CPQ: variants seen among roughly 807,000 people sequenced by gnomAD.
CPQ encodes the protein carboxypeptidase Q.
CPQ carries 37 observed loss-of-function variants against 45.7 expected under a neutral mutation model. The observed-to-expected ratio is 0.81, with a 90% CI of 0.62 to 1.07. CPQ has a LOEUF of 1.07. Among genes scored for constraint, CPQ ranks in the 50% least tolerant of loss-of-function variants. The pLI, the probability that CPQ is intolerant of heterozygous loss-of-function variation, is 0.00. For missense variants in CPQ, 537 were observed against 572.9 expected, an observed-to-expected ratio of 0.94 and a Z score of 0.64; for synonymous variants, 186 against 205.8, an observed-to-expected ratio of 0.90 and a Z score of 0.82.
intron 2 of CPQ, among the ~76,000 whole-genome samples, chr8:96,813,999 C>T (rs550551261): frequency 2.1e-5 from 2 of 94,018 alleles, no homozygotes; most frequent in African/African-American, 6.6e-5. Flanking sequence ...CATATATATA[C>T]ACACATATAT....
At chr8:97,044,864 C>T (rs1810207504) in intron 6 of CPQ, among the ~76,000 whole-genome samples, 1 of 152,120 alleles carries the variant, frequency 6.6e-6, no homozygotes. Flanking sequence ...CAGAGGAGTA[C>T]CCGGCTGTGT....
At chr8:96,850,587 T>A (rs907714948) in intron 3 of CPQ, among the ~76,000 whole-genome samples, 16 of 116,870 alleles carry the variant, frequency 1.4e-4, no homozygotes, top group South Asian at 5.2e-4. Context: ...TATTTTATTT[T>A]ATTTATTTAT....
rs762017641 is a variant in CPQ at position 97,066,166 on chromosome 8, G to A, written c.1211G>A (p.Gly404Glu). Residue 404 changes from glycine to glutamate, a missense_variant, in exon 7 of 8, where the codon GGA (glycine) becomes GAA (glutamate). Transcript: ENST00000220763. ...AATATCACTCAGGTCCTGAGCCATG[G>A]AGAAGGGACAGACATCAACTTTTGG... is the stretch of plus-strand genomic sequence containing the variant. ...PLNITQVLSH[G>E]EGTDINFWIQ... The A allele has an allele frequency of 1.2e-6, 2 of 1,611,574 alleles. No individual in the cohort carries two copies. The highest frequency in any genetic ancestry group is 1.7e-6 in the Non-Finnish European group (2 of 1,179,320).
intron 6 of CPQ, among the ~76,000 whole-genome samples, chr8:97,044,436 C>T (rs1034408752): frequency 6.6e-6 from 1 of 152,154 alleles, no homozygotes; most frequent in Non-Finnish European, 1.5e-5. Flanking sequence ...TGAATTTCCT[C>T]CTGTAGCTCG....
At chr8:96,982,625 G>A (rs191299873) in intron 5 of CPQ, among the ~76,000 whole-genome samples, 1 of 152,324 alleles carries the variant, frequency 6.6e-6, no homozygotes, top group East Asian at 1.9e-4. Flanking sequence ...TTACAGGTGT[G>A]AGCTACTGTA....
intron 3 of CPQ, among the ~76,000 whole-genome samples, chr8:96,852,190 C>T (rs1811779507): frequency 6.6e-6 from 1 of 152,216 alleles, no homozygotes; most frequent in Non-Finnish European, 1.5e-5. Flanking sequence ...CCTCCACTTG[C>T]CCTTGCCTGT....
chr8:96,918,936 G>T (rs771166346), intron 4 of CPQ, among the ~76,000 whole-genome samples: 4 of 152,028 alleles, frequency 2.6e-5, no homozygotes, highest in Non-Finnish European at 5.9e-5. Context: ...TGCTTTAGTG[G>T]TATGTGGTAC....
intron 4 of CPQ, among the ~76,000 whole-genome samples, chr8:96,916,031 G>T (rs1473753110): frequency 6.6e-6 from 1 of 152,158 alleles, no homozygotes; most frequent in Non-Finnish European, 1.5e-5. Flanking sequence ...AGAGAGATCT[G>T]ATTCCTCTTA....
At chr8:96,880,348 T>G (rs773389387) in intron 4 of CPQ, among the ~76,000 whole-genome samples, 5 of 151,742 alleles carry the variant, frequency 3.3e-5, no homozygotes, top group African/African-American at 1.2e-4. Flanking sequence ...GAATTAGCGT[T>G]TGACCCAGCC....
chr8:97,066,880 A>G (rs1367457560), intron 7 of CPQ, among the ~76,000 whole-genome samples: 1 of 142,622 alleles, frequency 7.0e-6, no homozygotes, highest in African/African-American at 2.7e-5. Flanking sequence ...TGAGGAGGTT[A>G]CTTACAGAAA....
chr8:96,977,069 G>A (rs567178244), intron 5 of CPQ, among the ~76,000 whole-genome samples: 5 of 152,228 alleles, frequency 3.3e-5, no homozygotes, highest in South Asian at 2.1e-4. Flanking sequence ...GATAACCACA[G>A]AGTGGGAGAA....
chr8:96,989,264 C>T (rs938761510), intron 5 of CPQ, among the ~76,000 whole-genome samples: 1 of 152,024 alleles, frequency 6.6e-6, no homozygotes, highest in African/African-American at 2.4e-5. Context: ...CAGAAATATG[C>T]GTGACCAGTT....
intron 5 of CPQ, among the ~76,000 whole-genome samples, chr8:96,987,486 A>C (rs1350572183): frequency 6.6e-6 from 1 of 152,180 alleles, no homozygotes; most frequent in Non-Finnish European, 1.5e-5. Context: ...AGCCAAGTAG[A>C]AGCAGAGCCT....
At chr8:96,817,597 T>C (rs2130834048) in intron 2 of CPQ, among the ~76,000 whole-genome samples, 1 of 151,900 alleles carries the variant, frequency 6.6e-6, no homozygotes, top group East Asian at 1.9e-4. Context: ...CACTCACGTG[T>C]TCGCTGGACT....
rs1192149392 is a variant in CPQ, at chr8:97,143,360, G to C, written c.*177G>C. On this transcript the variant is annotated 3_prime_UTR_variant, in exon 8 of 8. Coordinates refer to ENST00000220763, the MANE Select transcript of CPQ (RefSeq NM_016134.4). ...TCCAAATTCTCTGATTCTAGAAAAA[G>C]GAATCATTCTCCCCTCCCTCCCACC... 3.3e-6 allele frequency: 2 copies of C among 608,736 alleles called. No individual in the cohort carries two copies. The highest frequency in any genetic ancestry group is 5.5e-6 in the Non-Finnish European group (2 of 361,526). 37.7% of individuals were successfully genotyped at this position (608,736 alleles called of 1,614,324 possible).
intron 4 of CPQ, among the ~76,000 whole-genome samples, chr8:96,898,055 G>A (rs199595189): frequency 2.3e-5 from 1 of 43,324 alleles, no homozygotes; most frequent in Non-Finnish European, 6.0e-5. Context: ...TGAGAACGTT[G>A]TTTTTGTCTG....
intron 3 of CPQ, among the ~76,000 whole-genome samples, chr8:96,863,713 G>A (rs533201082): frequency 2.0e-5 from 3 of 152,134 alleles, no homozygotes; most frequent in Non-Finnish European, 4.4e-5. Flanking sequence ...ATTGTTTTCC[G>A]CTTTTAATGC....
chr8:97,020,306 A>G (rs1809656757), intron 5 of CPQ, among the ~76,000 whole-genome samples: 2 of 152,130 alleles, frequency 1.3e-5, no homozygotes, highest in South Asian at 4.1e-4. Flanking sequence ...TTCTAAGGTC[A>G]CATCTCAAGG....
At chr8:97,056,934 C>A (rs1199497754) in intron 6 of CPQ, among the ~76,000 whole-genome samples, 2 of 152,158 alleles carry the variant, frequency 1.3e-5, no homozygotes, top group East Asian at 3.9e-4. Flanking sequence ...CTTCTTTGTA[C>A]ATATTCATAG....
Sources: allele counts gnomAD v4.1 joint callset (sites outside exome capture counted in the v4.1 genomes callset), GRCh38; gene constraint gnomAD v4.1.1; transcripts MANE v1.5; gene names NCBI Gene and HGNC (gene_info 2026-07-23, HGNC 2026-07-21).